FAP: variants seen among roughly 807,000 people sequenced by gnomAD.
FAP encodes the protein prolyl endopeptidase FAP.
FAP carries 110 observed loss-of-function variants against 126.5 expected under a neutral mutation model. The ratio of observed to expected loss-of-function variants is 0.87; its 90% CI spans 0.74 to 1.02. The LOEUF (loss-of-function observed/expected upper bound fraction) is 1.02. FAP is among the 50% of genes least tolerant of loss of function. The pLI, the probability that FAP is intolerant of heterozygous loss-of-function variation, is 0.00. For missense variants in FAP, 919 were observed against 909.2 expected (o/e 1.01, Z -0.14); for synonymous variants, 334 against 297.3 (o/e 1.12, Z -1.27).
intron 16 of FAP, chr2:162,197,663 T>G (rs766438598): frequency 6.6e-6 from 3 of 456,450 alleles, no homozygotes; most frequent in South Asian, 4.6e-5. Context: ...CGGGGCCAGG[T>G]GGCTGGACTG....
intron 12 of FAP, among the ~76,000 whole-genome samples, chr2:162,203,604 G>T (rs1449084961): frequency 6.6e-6 from 1 of 152,164 alleles, no homozygotes; most frequent in Non-Finnish European, 1.5e-5. Context: ...TTTAAAAGAT[G>T]AAAAGATCAT....
chr2:162,190,982 A>G (rs748046806), intron 17 of FAP, among the ~76,000 whole-genome samples: 48 of 152,146 alleles, frequency 3.2e-4, no homozygotes, highest in Non-Finnish European at 5.3e-4. Context: ...CCATCAGGGA[A>G]GAGATACTTG....
chr2:162,182,068 T>A (rs956637044), intron 21 of FAP, among the ~76,000 whole-genome samples: 1 of 152,210 alleles, frequency 6.6e-6, no homozygotes. Flanking sequence ...TCAGTGGCAT[T>A]TGCCCAACTA....
At chr2:162,179,775 T>TATC (rs1687618860) in intron 21 of FAP, among the ~76,000 whole-genome samples, 1 of 70,402 alleles carries the variant, frequency 1.4e-5, no homozygotes, top group African/African-American at 4.6e-5. Flanking sequence ...TCTATCTATC[T>TATC]ATCTATCTAT....
chr2:162,235,602 A>G (rs1201570923), intron 2 of FAP, among the ~76,000 whole-genome samples: 1 of 152,188 alleles, frequency 6.6e-6, no homozygotes, highest in East Asian at 1.9e-4. Flanking sequence ...GCACCCTATC[A>G]AAACAGACCA....
intron 17 of FAP, chr2:162,194,272 CCA>C (rs34495951): frequency 2.4e-3 from 340 of 141,356 alleles, no homozygotes; most frequent in South Asian, 0.01. Context: ...TGGGATGTTA[CCA>C]CACACACACA....
intron 2 of FAP, among the ~76,000 whole-genome samples, chr2:162,237,291 A>G (rs1404263489): frequency 2.0e-5 from 3 of 152,204 alleles, no homozygotes; most frequent in African/African-American, 4.8e-5. Flanking sequence ...CATAGATATT[A>G]TATGTGCCAT....
At chr2:162,222,190 G>C (rs908910498) in intron 6 of FAP, among the ~76,000 whole-genome samples, 1 of 152,158 alleles carries the variant, frequency 6.6e-6, no homozygotes, top group African/African-American at 2.4e-5. Context: ...GAAAAACAAA[G>C]ACATGATGAG....
In FAP at chr2:162,202,869, T is replaced by TA. The variant is rs1688550086; in HGVS notation, c.1223+2dup. 6.2e-7 allele frequency: 1 copy of TA among 1,611,672 alleles called. No homozygotes were observed. The highest frequency in any genetic ancestry group is 8.5e-7 in the Non-Finnish European group (1 of 1,177,962). The stretch of plus-strand genomic sequence containing the variant: ...GGTGCATCGTGCTTCGTGCAATACT[T>TA]ACAGTGAATCCTGTGTTACTCTGAA... On this transcript the variant is annotated splice_region_variant and intron_variant, in intron 14 of 25. Transcript: ENST00000188790.
Position 162,211,034 on chromosome 2 carries a change from G to A in FAP, c.1003-1038C>T, listed in dbSNP as rs183215761. 5.3e-5 allele frequency among the ~76,000 whole-genome samples: 8 copies of A among 152,244 alleles called. No individual in the cohort carries two copies. The East Asian group carries it at 5.8e-4, about 11-fold the overall frequency. On this transcript the variant is annotated intron_variant, in intron 11 of 25. Transcript: ENST00000188790. ...CATTTCCTCTTTTTGCTAGGGATAC[G>A]GGCAGGAAATGTATTTCCCAGCCTT...
chr2:162,202,816 G>T, intron 14 of FAP, 56 bp downstream of exon 14: 1 of 1,255,804 alleles, frequency 8.0e-7, no homozygotes, highest in Non-Finnish European at 1.2e-6. Context: ...TATCATTTAT[G>T]TCCATCGGTG....
chr2:162,227,069 T>C (rs1689684743), intron 2 of FAP, among the ~76,000 whole-genome samples: 1 of 152,160 alleles, frequency 6.6e-6, no homozygotes, highest in South Asian at 2.1e-4. Context: ...TTTCCTCATA[T>C]AGGTTTGGTT....
At chr2:162,183,330 C>A in intron 21 of FAP, 84 bp downstream of exon 21, 2 of 1,040,338 alleles carry the variant, frequency 1.9e-6, no homozygotes, top group Non-Finnish European at 2.9e-6. Flanking sequence ...ATTAACATTT[C>A]ATGAGAAACC....
intron 21 of FAP, among the ~76,000 whole-genome samples, chr2:162,180,151 A>G (rs1004112300): frequency 3.3e-5 from 5 of 152,046 alleles, no homozygotes; most frequent in African/African-American, 9.7e-5. Flanking sequence ...GCAAGAGATG[A>G]GATTGGAAAA....
At chr2:162,183,255 A>G (rs1026180132) in intron 21 of FAP, among the ~76,000 whole-genome samples, 159 bp downstream of exon 21, 1 of 152,250 alleles carries the variant, frequency 6.6e-6, no homozygotes, top group East Asian at 1.9e-4. Flanking sequence ...ACTTAAAACC[A>G]CCATTTTGAA....
At chr2:162,207,221 T>A (rs901266377) in intron 12 of FAP, among the ~76,000 whole-genome samples, 8 of 152,188 alleles carry the variant, frequency 5.3e-5, no homozygotes, top group African/African-American at 1.9e-4. Context: ...GTGGCCAGAC[T>A]TTTTCAAAAG....
At chr2:162,218,991 C>T (rs1689274305) in intron 8 of FAP, 72 bp downstream of exon 8, 1 of 1,268,210 alleles carries the variant, frequency 7.9e-7, no homozygotes, top group Admixed American at 2.6e-5. Flanking sequence ...TCATCTAAAT[C>T]TTACTAAATA....
Position 162,218,008 on chromosome 2 carries a change from G to T in FAP, c.740C>A (p.Thr247Lys). 1 of 1,587,196 alleles carries T rather than the reference G, an allele frequency of 6.3e-7. No individual in the cohort carries two copies. The highest frequency in any genetic ancestry group is 1.8e-5 in the Admixed American group (1 of 55,892). Reference protein sequence around the residue: ...SYYGDEQYPRTINIPYPKAGA... With the variant: ...SYYGDEQYPRKINIPYPKAGA... The stretch of plus-strand genomic sequence containing the variant: ...TACCTTTGGGTATGGAATATTTATT[G>T]TTCTAGGATATTGTTCATCGCCATA... The change falls in exon 9 of 26, where the codon ACA (threonine) becomes AAA (lysine). Residue 247 changes from threonine to lysine, a missense_variant. By Grantham distance (78) the Thr-to-Lys change is moderately conservative (BLOSUM62 -1). Transcript: ENST00000188790.
At position 162,224,506 on chromosome 2, in the gene FAP, G is replaced by C. The variant is rs764562025; in HGVS notation, c.320C>G (p.Pro107Arg). The change falls in exon 5 of 26, where the codon CCT becomes CGT. Residue 107 changes from proline to arginine, a missense_variant. Coordinates refer to ENST00000188790, the MANE Select transcript of FAP (RefSeq NM_004460.5). ...SVNASNYGLSPDRQFVYLESD... is the reference protein window; with the variant it reads ...SVNASNYGLSRDRQFVYLESD... The stretch of plus-strand genomic sequence containing the variant: ...TTCTAGATATACAAATTGCCGATCA[G>C]GTGATAAGCCGTAATTTGAAGCATT... 1 of 1,600,186 alleles carries C rather than the reference G, an allele frequency of 6.2e-7. No individual in the cohort carries two copies. The highest frequency in any genetic ancestry group is 1.8e-5 in the Admixed American group (1 of 56,368).
Sources: allele counts gnomAD v4.1 joint callset (sites outside exome capture counted in the v4.1 genomes callset), GRCh38; gene constraint gnomAD v4.1.1; transcripts MANE v1.5; gene names NCBI Gene and HGNC (gene_info 2026-07-23, HGNC 2026-07-21).